Variants in R3HDM1 observed in about 807,000 individuals in gnomAD.
The protein encoded by R3HDM1 is R3H domain containing 1.
A neutral mutation model predicts 141.1 loss-of-function variants in R3HDM1; 46 were observed. The ratio of observed to expected loss-of-function variants is 0.33; its 90% CI spans 0.26 to 0.42. The LOEUF is 0.42. Among genes scored for constraint, R3HDM1 ranks in the 10% least tolerant of loss-of-function variants. The pLI is 1.00. For missense variants in R3HDM1, 1,184 were observed against 1,368.3 expected, an observed-to-expected ratio of 0.87 and a Z score of 2.12; for synonymous variants, 435 against 472.9, an observed-to-expected ratio of 0.92 and a Z score of 1.04.
intron 1 of R3HDM1, among the ~76,000 whole-genome samples, chr2:135,560,617 A>G (rs1364321744): frequency 6.6e-6 from 1 of 152,196 alleles, no homozygotes; most frequent in Non-Finnish European, 1.5e-5. Context: ...CATTTAAACC[A>G]TTTCACTAAA....
At chr2:135,554,812 A>G (rs546684054) in intron 1 of R3HDM1, among the ~76,000 whole-genome samples, 1 of 152,294 alleles carries the variant, frequency 6.6e-6, no homozygotes, top group Non-Finnish European at 1.5e-5. Context: ...CAACCCTGCC[A>G]ACACCTTGAT....
intron 21 of R3HDM1, among the ~76,000 whole-genome samples, chr2:135,690,010 A>AAAAGACT (rs1304306851): frequency 6.6e-6 from 1 of 152,168 alleles, no homozygotes; most frequent in African/African-American, 2.4e-5. Context: ...CAGGAACTTG[A>AAAAGACT]AAAGACTATA....
chr2:135,645,217 G>A, intron 15 of R3HDM1, 162 bp from the exon 16 acceptor site: 2 of 572,200 alleles, frequency 3.5e-6, no homozygotes, highest in East Asian at 3.0e-5. Context: ...TCATGTCAGA[G>A]CAGGCATTTC....
intron 24 of R3HDM1, among the ~76,000 whole-genome samples, chr2:135,716,049 G>A (rs990719124): frequency 3.3e-5 from 5 of 152,032 alleles, no homozygotes; most frequent in African/African-American, 1.2e-4. Context: ...TATCCAGGCC[G>A]GGCGCAGTGG....
chr2:135,709,043 A>G (rs2075298824), intron 21 of R3HDM1, among the ~76,000 whole-genome samples: 1 of 151,750 alleles, frequency 6.6e-6, no homozygotes. Flanking sequence ...ATTTTTGTCA[A>G]TATTTTGTTA....
chr2:135,555,860 A>T (rs916457361), intron 1 of R3HDM1, among the ~76,000 whole-genome samples: 5 of 152,218 alleles, frequency 3.3e-5, no homozygotes, highest in South Asian at 2.1e-4. Context: ...TACAGAAATT[A>T]AAAAAATTAG....
chr2:135,634,938 G>T (rs2063111886), intron 9 of R3HDM1, among the ~76,000 whole-genome samples: 1 of 152,100 alleles, frequency 6.6e-6, no homozygotes, highest in Non-Finnish European at 1.5e-5. Flanking sequence ...ATTTTGGGAG[G>T]TGAAATTTTA....
At chr2:135,584,387 C>G (rs929275140) in intron 1 of R3HDM1, 16 of 940,292 alleles carry the variant, frequency 1.7e-5, no homozygotes, top group Admixed American at 1.2e-4. Context: ...TGAAAGTTTT[C>G]ATTACCTGAC....
rs1244226507 is a variant in R3HDM1 at position 135,554,547 on chromosome 2, T to C, written c.-250+22914T>C. Among the ~76,000 whole-genome samples the C allele has an allele frequency of 3.3e-5, 5 of 152,228 alleles. 1 individual carries two copies. In the East Asian group the frequency reaches 5.8e-4, roughly 18 times the overall value. Reference sequence around the variant, plus strand: ...GTCTAGGAGCAGAATTGCTGGGTCATATTGGTAACTATGTTTAACCTTTTG... The same window carrying C: ...GTCTAGGAGCAGAATTGCTGGGTCACATTGGTAACTATGTTTAACCTTTTG... On this transcript the variant is annotated intron_variant, in intron 1 of 26. Transcript: ENST00000683871.
chr2:135,539,086 C>T (rs367610512), intron 1 of R3HDM1, among the ~76,000 whole-genome samples: 1 of 152,174 alleles, frequency 6.6e-6, no homozygotes, highest in East Asian at 1.9e-4. Context: ...GAGACAATTA[C>T]ACACATGACT....
chr2:135,613,726 G>A (rs933496888), intron 3 of R3HDM1, among the ~76,000 whole-genome samples: 2 of 152,196 alleles, frequency 1.3e-5, no homozygotes, highest in Admixed American at 6.5e-5. Flanking sequence ...TGAGGCAGGA[G>A]AATTACTTGA....
At chr2:135,606,007 A>G (rs916357973) in intron 3 of R3HDM1, 3 of 151,886 alleles carry the variant, frequency 2.0e-5, no homozygotes, top group African/African-American at 2.4e-5. Context: ...TTAATATCTC[A>G]TCATTTATCA....
intron 1 of R3HDM1, among the ~76,000 whole-genome samples, chr2:135,553,423 G>A (rs1483024312): frequency 6.6e-6 from 1 of 152,102 alleles, no homozygotes; most frequent in Non-Finnish European, 1.5e-5. Context: ...ATCCAGATTA[G>A]CAATAATAAT....
chr2:135,661,342 C>T lies in R3HDM1; in HGVS notation c.2101C>T (p.His701Tyr). ...TCAGTATCGCCCAGTCCCTTCTGTT[C>T]ATTACAATTCACATCTAAACCAACC... ...QPQYRPVPSV[H>Y]YNSHLNQPLP... The change falls in exon 19 of 27, where the codon CAT becomes TAT. Residue 701 changes from histidine to tyrosine, a missense_variant. Physicochemically the swap from His to Tyr is moderately conservative, Grantham distance 83. Coordinates refer to ENST00000683871, the MANE Select transcript of R3HDM1 (RefSeq NM_001378107.1). 2 of 1,613,874 alleles carry T rather than the reference C, an allele frequency of 1.2e-6. No individual in the cohort carries two copies. The highest frequency in any genetic ancestry group is 2.2e-5 in the East Asian group (1 of 44,888).
At chr2:135,561,312 G>C (rs1701759000) in intron 1 of R3HDM1, 2 of 985,142 alleles carry the variant, frequency 2.0e-6, no homozygotes, top group South Asian at 4.7e-5. Context: ...TTTGCCTTCG[G>C]ATAAGTTTTA....
intron 1 of R3HDM1, among the ~76,000 whole-genome samples, chr2:135,563,088 T>A (rs1440294245): frequency 6.6e-6 from 1 of 152,160 alleles, no homozygotes; most frequent in Non-Finnish European, 1.5e-5. Context: ...CTTATGTGAG[T>A]GTTTCGTTTC....
intron 20 of R3HDM1, 89 bp downstream of exon 20, chr2:135,675,575 T>A: frequency 7.7e-7 from 1 of 1,300,302 alleles, no homozygotes. Flanking sequence ...GCTCTCCTTT[T>A]AATACAGGAA....
At chr2:135,641,818 G>C in intron 15 of R3HDM1, 28 bp downstream of exon 15, 1 of 1,552,594 alleles carries the variant, frequency 6.4e-7, no homozygotes, top group Non-Finnish European at 8.7e-7. Flanking sequence ...GGTGTTTCAG[G>C]AATTATCTGA....
At chr2:135,600,697 G>T (rs1354848092) in intron 1 of R3HDM1, among the ~76,000 whole-genome samples, 1 of 152,110 alleles carries the variant, frequency 6.6e-6, no homozygotes, top group East Asian at 1.9e-4. Context: ...GCAATAACTG[G>T]TCATTTTCAT....
Sources: allele counts gnomAD v4.1 joint callset (sites outside exome capture counted in the v4.1 genomes callset), GRCh38; gene constraint gnomAD v4.1.1; transcripts MANE v1.5; gene names NCBI Gene and HGNC (gene_info 2026-07-23, HGNC 2026-07-21).